The following NLGN1 variants were observed in gnomAD, a reference collection of about 807,000 sequenced individuals.
NLGN1 encodes neuroligin 1, also known as neuroligin-1.
NLGN1 carries 12 observed loss-of-function variants against 65.5 expected under a neutral mutation model. That is an observed-to-expected ratio of 0.18 (90% confidence interval 0.12 to 0.30). The LOEUF (loss-of-function observed/expected upper bound fraction) is 0.30, where lower values mean the gene tolerates loss of function less well. NLGN1 is among the 10% of genes least tolerant of loss of function. The pLI is 1.00. For missense variants in NLGN1, 750 were observed against 1,007.1 expected, an observed-to-expected ratio of 0.74 and a Z score of 3.46; for synonymous variants, 350 against 359.5, an observed-to-expected ratio of 0.97 and a Z score of 0.30.
chr3:173,544,259 C>CGTGTGTGTGTGTTTGTGT (rs1739383535), intron 2 of NLGN1, among the ~76,000 whole-genome samples: 1 of 144,146 alleles, frequency 6.9e-6, no homozygotes, highest in African/African-American at 2.6e-5. Context: ...GATTATATTA[C>CGTGTGTGTGTGTTTGTGT]GTGTGTGTGT....
At chr3:174,127,534 A>G (rs1577012763) in intron 4 of NLGN1, among the ~76,000 whole-genome samples, 1 of 152,032 alleles carries the variant, frequency 6.6e-6, no homozygotes, top group Admixed American at 6.6e-5. Context: ...ATTCCTGCCA[A>G]ACTCGTCTCT....
intron 4 of NLGN1, among the ~76,000 whole-genome samples, chr3:174,023,793 T>C (rs1245077133): frequency 6.6e-6 from 1 of 152,080 alleles, no homozygotes; most frequent in Non-Finnish European, 1.5e-5. Context: ...TCATGCTGAC[T>C]GTGTGATGAA....
In NLGN1 at chr3:174,017,532, G is replaced by A. The variant is rs572601604; in HGVS notation, c.646+209700G>A. The stretch of plus-strand genomic sequence containing the variant: ...GGTTCTTTCAGGGGAACCTGCCCCC[G>A]ATAATTCAACATTAATTCACGTAGG... On this transcript the variant is annotated intron_variant, in intron 4 of 6. Transcript: ENST00000457714. Among the ~76,000 whole-genome samples the A allele has an allele frequency of 8.5e-5, 13 of 152,166 alleles. No individual in the cohort carries two copies. The East Asian group carries it at 1.7e-3, about 20-fold the overall frequency.
At chr3:173,914,263 G>A (rs565408156) in intron 4 of NLGN1, among the ~76,000 whole-genome samples, 8 of 152,272 alleles carry the variant, frequency 5.3e-5, no homozygotes, top group Admixed American at 1.3e-4. Flanking sequence ...TCTGAAGGAA[G>A]CCTCTGCCCC....
At chr3:173,472,013 T>C (rs377091713) in intron 2 of NLGN1, among the ~76,000 whole-genome samples, 4 of 152,250 alleles carry the variant, frequency 2.6e-5, no homozygotes, top group African/African-American at 9.6e-5. Context: ...CTGGGGTTAA[T>C]ATAAAACTCA....
intron 4 of NLGN1, among the ~76,000 whole-genome samples, chr3:174,043,227 A>G (rs1020539928): frequency 6.6e-6 from 1 of 152,158 alleles, no homozygotes; most frequent in African/African-American, 2.4e-5. Context: ...TTGAGTGGGG[A>G]CACAGCCAAA....
intron 3 of NLGN1, among the ~76,000 whole-genome samples, chr3:173,772,251 A>G (rs888510594): frequency 2.0e-5 from 3 of 152,128 alleles, no homozygotes; most frequent in Admixed American, 2.0e-4. Flanking sequence ...TTTTATTATA[A>G]TGAAGTTAAA....
At chr3:174,065,624 ACTT>A (rs1471784106) in intron 4 of NLGN1, among the ~76,000 whole-genome samples, 1 of 151,518 alleles carries the variant, frequency 6.6e-6, no homozygotes. Flanking sequence ...GTGTGTAGAT[ACTT>A]CTTCTGGTAT....
At chr3:173,703,624 C>T (rs1414171925) in intron 3 of NLGN1, among the ~76,000 whole-genome samples, 1 of 152,166 alleles carries the variant, frequency 6.6e-6, no homozygotes, top group Non-Finnish European at 1.5e-5. Flanking sequence ...ATTAAAATGT[C>T]ACTCCTGAAT....
chr3:173,947,300 G>A (rs1011555607), intron 4 of NLGN1, among the ~76,000 whole-genome samples: 2 of 152,038 alleles, frequency 1.3e-5, no homozygotes, highest in Non-Finnish European at 2.9e-5. Flanking sequence ...GGGATTACAG[G>A]TGTTAGCCAC....
intron 1 of NLGN1, among the ~76,000 whole-genome samples, chr3:173,411,528 G>T (rs1389543868): frequency 3.3e-5 from 5 of 152,184 alleles, no homozygotes; most frequent in Non-Finnish European, 5.9e-5. Flanking sequence ...TCCATTAGAA[G>T]TAGTACTTAA....
At chr3:174,098,419 C>T (rs1244672397) in intron 4 of NLGN1, among the ~76,000 whole-genome samples, 1 of 152,076 alleles carries the variant, frequency 6.6e-6, no homozygotes, top group Non-Finnish European at 1.5e-5. Context: ...ACCTCTATAC[C>T]CACCTAGCAA....
intron 4 of NLGN1, among the ~76,000 whole-genome samples, chr3:174,127,527 C>A (rs1719202001): frequency 6.6e-6 from 1 of 152,058 alleles, no homozygotes; most frequent in Non-Finnish European, 1.5e-5. Flanking sequence ...TTCCCATATT[C>A]CTGCCAAACT....
intron 4 of NLGN1, among the ~76,000 whole-genome samples, chr3:174,185,830 C>T (rs1250601787): frequency 6.6e-6 from 1 of 151,402 alleles, no homozygotes; most frequent in East Asian, 1.9e-4. Flanking sequence ...AAACAAAAAA[C>T]CTGTTGAAAT....
chr3:174,023,488 T>G (rs759832728), intron 4 of NLGN1, among the ~76,000 whole-genome samples: 1 of 152,122 alleles, frequency 6.6e-6, no homozygotes, highest in Non-Finnish European at 1.5e-5. Context: ...TAGAAAGGCA[T>G]AGAAAGCGTA....
At chr3:173,850,770 T>C (rs540750937) in intron 4 of NLGN1, among the ~76,000 whole-genome samples, 1 of 152,170 alleles carries the variant, frequency 6.6e-6, no homozygotes, top group Non-Finnish European at 1.5e-5. Flanking sequence ...ACTTTCTCAC[T>C]CTGTCACCCA....
At chr3:174,023,371 A>C (rs1469671705) in intron 4 of NLGN1, among the ~76,000 whole-genome samples, 1 of 152,152 alleles carries the variant, frequency 6.6e-6, no homozygotes, top group East Asian at 1.9e-4. Context: ...GATTCTTCCT[A>C]GGATATATGT....
At chr3:174,113,009 G>C (rs2152623105) in intron 4 of NLGN1, among the ~76,000 whole-genome samples, 1 of 151,914 alleles carries the variant, frequency 6.6e-6, no homozygotes, top group East Asian at 1.9e-4. Context: ...CATATACATA[G>C]TATCTTCTAT....
intron 4 of NLGN1, among the ~76,000 whole-genome samples, chr3:174,113,483 C>G (rs1441820866): frequency 2.6e-5 from 4 of 152,026 alleles, no homozygotes; most frequent in Non-Finnish European, 5.9e-5. Context: ...GGGAACATGT[C>G]AGTAAAAACT....
Sources: gnomAD v4.1 joint callset for allele counts (sites outside exome capture counted in the v4.1 genomes callset) on GRCh38, gnomAD v4.1.1 for gene constraint, MANE v1.5 for transcripts, NCBI Gene and HGNC (gene_info 2026-07-23, HGNC 2026-07-21) for gene names.